The following TCF4 variants were observed in gnomAD, a reference collection of about 807,000 sequenced individuals.
TCF4 encodes transcription factor 4.
A neutral mutation model predicts 82.1 loss-of-function variants in TCF4; 3 were observed. That is an observed-to-expected ratio of 0.04 (90% CI 0.02 to 0.09). The LOEUF (loss-of-function observed/expected upper bound fraction) is 0.09, where lower values mean the gene tolerates loss of function less well. TCF4 is among the 10% of genes least tolerant of loss of function. The pLI is 1.00. For missense variants in TCF4, 518 were observed against 852.7 expected (o/e 0.61, Z 4.89); for synonymous variants, 276 against 309.6 (o/e 0.89, Z 1.14).
At chr18:55,378,678 C>G (rs2091331795) in intron 6 of TCF4, among the ~76,000 whole-genome samples, 1 of 152,192 alleles carries the variant, frequency 6.6e-6, no homozygotes, top group African/African-American at 2.4e-5. Flanking sequence ...TGGGACAGAG[C>G]AACCGAATTA....
At chr18:55,273,724 T>C (rs1048379216) in intron 10 of TCF4, among the ~76,000 whole-genome samples, 3 of 152,186 alleles carry the variant, frequency 2.0e-5, no homozygotes, top group South Asian at 2.1e-4. Flanking sequence ...GATAGGTAAA[T>C]GGCATTGCAA....
chr18:55,620,432 C>G (rs952291601), intron 2 of TCF4, among the ~76,000 whole-genome samples: 1 of 152,168 alleles, frequency 6.6e-6, no homozygotes, highest in African/African-American at 2.4e-5. Flanking sequence ...AGACACTATT[C>G]CTGGTCTTGT....
intron 8 of TCF4, among the ~76,000 whole-genome samples, chr18:55,347,729 G>C (rs1393594890): frequency 6.6e-6 from 1 of 152,280 alleles, no homozygotes; most frequent in South Asian, 2.1e-4. Context: ...CAGTGTCACC[G>C]TTTAAGTTTT....
chr18:55,383,174 C>A (rs564541344), intron 6 of TCF4, among the ~76,000 whole-genome samples: 211 of 152,276 alleles, frequency 1.4e-3, no homozygotes, highest in African/African-American at 4.6e-3. Context: ...CTCAAATAAG[C>A]CCACATCTGT....
At chr18:55,361,577 T>C (rs2085211204) in intron 6 of TCF4, among the ~76,000 whole-genome samples, 1 of 152,182 alleles carries the variant, frequency 6.6e-6, no homozygotes, top group African/African-American at 2.4e-5. Flanking sequence ...CAAACAACCA[T>C]GAGGACTGGT....
At chr18:55,353,310 T>C (rs956934908) in intron 6 of TCF4, among the ~76,000 whole-genome samples, 1 of 152,190 alleles carries the variant, frequency 6.6e-6, no homozygotes, top group Non-Finnish European at 1.5e-5. Context: ...AATAATTTCA[T>C]GGGCCAGTCA....
intron 8 of TCF4, among the ~76,000 whole-genome samples, chr18:55,302,862 G>A (rs1471011701): frequency 2.0e-5 from 3 of 152,162 alleles, no homozygotes; most frequent in African/African-American, 7.2e-5. Flanking sequence ...TTCCCTGAAT[G>A]CCTCTTTTAC....
chr18:55,270,278 A>T (rs1373052580), intron 10 of TCF4, among the ~76,000 whole-genome samples: 1 of 152,104 alleles, frequency 6.6e-6, no homozygotes, highest in African/African-American at 2.4e-5. Flanking sequence ...AACATAAAAG[A>T]CCACTCTACT....
intron 3 of TCF4, among the ~76,000 whole-genome samples, chr18:55,575,139 G>C (rs1417908968): frequency 1.3e-5 from 2 of 152,126 alleles, no homozygotes; most frequent in Non-Finnish European, 2.9e-5. Flanking sequence ...GCCAGAAAAA[G>C]AATAATAAGA....
chr18:55,479,756 C>G (rs1413233562), intron 3 of TCF4, among the ~76,000 whole-genome samples: 1 of 152,162 alleles, frequency 6.6e-6, no homozygotes, highest in Non-Finnish European at 1.5e-5. Flanking sequence ...AGGGTAATAA[C>G]CCTCTGCAGT....
chr18:55,465,467 T>G (rs2095993707), intron 3 of TCF4, among the ~76,000 whole-genome samples: 1 of 152,090 alleles, frequency 6.6e-6, no homozygotes, highest in Admixed American at 6.6e-5. Context: ...AGTTGGTGCT[T>G]CAGCAGATAA....
rs1326665414 is a variant in TCF4, at chr18:55,466,968, C to T, written c.146-2831G>A. Among the ~76,000 whole-genome samples the T allele has an allele frequency of 2.0e-5, 3 of 152,204 alleles. No homozygotes were observed. In the East Asian group the frequency reaches 5.8e-4, roughly 29 times the overall value. Reference sequence around the variant, plus strand: ...CCCTTTCCCATTTCCATCTTTCCCACTTCCTGACCTCACGCTGCTGCACCT... The same window carrying T: ...CCCTTTCCCATTTCCATCTTTCCCATTTCCTGACCTCACGCTGCTGCACCT... On this transcript the variant is annotated intron_variant, in intron 3 of 19. Transcript: ENST00000354452.
chr18:55,622,675 C>A (rs1469627931), intron 2 of TCF4, among the ~76,000 whole-genome samples: 1 of 152,094 alleles, frequency 6.6e-6, no homozygotes, highest in Non-Finnish European at 1.5e-5. Context: ...CGCCCAAAGT[C>A]ATAAAGTTGG....
intron 6 of TCF4, among the ~76,000 whole-genome samples, chr18:55,390,567 G>T (rs1320162370): frequency 1.3e-5 from 2 of 152,116 alleles, no homozygotes; most frequent in African/African-American, 4.8e-5. Context: ...AGCTATATGT[G>T]TAACTATCTA....
At position 55,619,951 on chromosome 18, in the gene TCF4, A is replaced by G. The variant is rs147023748; in HGVS notation, c.286+11347T>C. On this transcript the variant is annotated intron_variant, in intron 2 of 20. Transcript: ENST00000398339. ...AATCTCACCTTGAATTGTAATCCCC[A>G]TAATCCCCACGTGCCAAGGGAGAGA... Among the ~76,000 whole-genome samples, 188 of 152,282 alleles carry G rather than the reference A, an allele frequency of 1.2e-3. 1 individual carries two copies. Among genetic ancestry groups the G allele is most frequent in the African/African-American group, 4.4e-3 (184 of 41,560 alleles).
intron 5 of TCF4, among the ~76,000 whole-genome samples, chr18:55,411,460 T>A (rs1043956764): frequency 6.6e-6 from 1 of 152,168 alleles, no homozygotes; most frequent in African/African-American, 2.4e-5. Flanking sequence ...AACATAATAG[T>A]TTTTCATATA....
intron 8 of TCF4, among the ~76,000 whole-genome samples, chr18:55,323,775 T>G (rs943305111): frequency 4.6e-5 from 7 of 152,208 alleles, no homozygotes; most frequent in Admixed American, 2.0e-4. Flanking sequence ...TTTAAAGAGA[T>G]AAGTTGGGGA....
intron 6 of TCF4, chr18:55,351,244 T>C: frequency 2.2e-6 from 1 of 460,318 alleles, no homozygotes; most frequent in Non-Finnish European, 3.9e-6. Flanking sequence ...ACAATATTTT[T>C]TTAAGTCTTT....
chr18:55,617,861 G>T (rs1249776059), intron 2 of TCF4, among the ~76,000 whole-genome samples: 1 of 141,796 alleles, frequency 7.1e-6, no homozygotes, highest in African/African-American at 2.6e-5. Context: ...AGTCTTTAGA[G>T]TTTTCTACAT....
Sources: allele counts gnomAD v4.1 joint callset (sites outside exome capture counted in the v4.1 genomes callset), GRCh38; gene constraint gnomAD v4.1.1; transcripts MANE v1.5; gene names NCBI Gene and HGNC (gene_info 2026-07-23, HGNC 2026-07-21).